The following FGGY variants were observed in gnomAD, a reference collection of about 807,000 sequenced individuals.
The protein encoded by FGGY is FGGY carbohydrate kinase domain containing.
FGGY carries 72 observed loss-of-function variants against 71.3 expected under a neutral mutation model. That is an observed-to-expected ratio of 1.01 (90% CI 0.84 to 1.23). The LOEUF is 1.23. Among genes scored for constraint, FGGY ranks in the 50% most tolerant of loss-of-function variants. The pLI is 0.00. For synonymous variants in FGGY, 251 were observed against 250.3 expected, an observed-to-expected ratio of 1.00 and a Z score of -0.02; for missense variants, 668 against 682.3, an observed-to-expected ratio of 0.98 and a Z score of 0.23.
chr1:59,614,761 G>C (rs2153827193), intron 9 of FGGY, among the ~76,000 whole-genome samples: 1 of 152,236 alleles, frequency 6.6e-6, no homozygotes, highest in East Asian at 1.9e-4. Flanking sequence ...CATCATCTCA[G>C]CCCAAAATCT....
In FGGY at chr1:59,674,035, G is replaced by T; in HGVS notation, c.1418-4G>T. The T allele has an allele frequency of 6.2e-7, 1 of 1,612,774 alleles. No homozygotes were observed. Among genetic ancestry groups the T allele is most frequent in the Non-Finnish European group, 8.5e-7 (1 of 1,179,330 alleles). On this transcript the variant is annotated splice_polypyrimidine_tract_variant and splice_region_variant and intron_variant, in intron 13 of 15. Transcript: ENST00000303721. ...TAACCAAGGTGTGGCCTTGTCCTGC[G>T]CAGGCATGCCTGTGGTCCTGTCGCA...
chr1:59,566,364 C>T (rs1184079322), intron 8 of FGGY, among the ~76,000 whole-genome samples: 2 of 152,072 alleles, frequency 1.3e-5, no homozygotes, highest in East Asian at 3.9e-4. Context: ...TTCTCCTATT[C>T]TGTTTGTGTG....
At chr1:59,665,215 A>G (rs541291786) in intron 12 of FGGY, among the ~76,000 whole-genome samples, 1 of 152,260 alleles carries the variant, frequency 6.6e-6, no homozygotes, top group East Asian at 1.9e-4. Context: ...GCATATTCTC[A>G]AGGGGGTTCA....
At chr1:59,693,687 C>T (rs945603723) in intron 14 of FGGY, among the ~76,000 whole-genome samples, 13 of 151,918 alleles carry the variant, frequency 8.6e-5, no homozygotes, top group African/African-American at 3.1e-4. Context: ...GGAGGAAGAG[C>T]AGTTGAAGTC....
intron 14 of FGGY, among the ~76,000 whole-genome samples, chr1:59,742,221 C>T (rs1165371710): frequency 6.6e-6 from 1 of 152,172 alleles, no homozygotes; most frequent in Non-Finnish European, 1.5e-5. Context: ...CACCACCACC[C>T]CTGCCTCCTT....
chr1:59,638,610 T>C (rs2096986583), intron 11 of FGGY, among the ~76,000 whole-genome samples: 1 of 152,270 alleles, frequency 6.6e-6, no homozygotes, highest in South Asian at 2.1e-4. Flanking sequence ...CAGCTACTGC[T>C]GCCTCTTTGT....
intron 6 of FGGY, among the ~76,000 whole-genome samples, chr1:59,489,136 A>T (rs1389031090): frequency 1.3e-5 from 2 of 152,130 alleles, no homozygotes; most frequent in Non-Finnish European, 2.9e-5. Flanking sequence ...TAGGGGGTAC[A>T]TAGTGATGTC....
intron 7 of FGGY, among the ~76,000 whole-genome samples, chr1:59,543,750 C>G (rs926180598): frequency 6.6e-6 from 1 of 152,126 alleles, no homozygotes; most frequent in Non-Finnish European, 1.5e-5. Context: ...TGTCCTGTCA[C>G]TTCCCATCTG....
chr1:59,578,180 A>G (rs185967013), intron 8 of FGGY, among the ~76,000 whole-genome samples: 2 of 152,256 alleles, frequency 1.3e-5, no homozygotes, highest in African/African-American at 2.4e-5. Context: ...CAAGGGAGCC[A>G]GCTGGGGATA....
At chr1:59,501,199 G>C (rs1293740475) in intron 6 of FGGY, among the ~76,000 whole-genome samples, 1 of 152,120 alleles carries the variant, frequency 6.6e-6, no homozygotes, top group Admixed American at 6.6e-5. Context: ...ACTGGTGTGT[G>C]ATGCAATAAA....
chr1:59,752,516 G>A (rs1013912203), intron 14 of FGGY, among the ~76,000 whole-genome samples: 2 of 152,208 alleles, frequency 1.3e-5, no homozygotes, highest in South Asian at 2.1e-4. Context: ...CAGGGTAGGG[G>A]AGAAGGTACT....
intron 7 of FGGY, among the ~76,000 whole-genome samples, chr1:59,540,105 G>A (rs184975486): frequency 6.6e-6 from 1 of 152,284 alleles, no homozygotes; most frequent in African/African-American, 2.4e-5. Flanking sequence ...AAATCAAACG[G>A]TTTGATAATG....
At chr1:59,617,343 A>G (rs1301086398) in intron 9 of FGGY, among the ~76,000 whole-genome samples, 2 of 152,162 alleles carry the variant, frequency 1.3e-5, no homozygotes, top group Non-Finnish European at 2.9e-5. Flanking sequence ...TCATTTTTAC[A>G]ATTAAATGCA....
At chr1:59,759,366 G>T (rs1426299968) in intron 15 of FGGY, among the ~76,000 whole-genome samples, 2 of 152,292 alleles carry the variant, frequency 1.3e-5, no homozygotes, top group Admixed American at 1.3e-4. Flanking sequence ...ATGCAGGAAG[G>T]TGGAGAGATC....
At chr1:59,364,046 G>A (rs1161215130) in intron 4 of FGGY, among the ~76,000 whole-genome samples, 3 of 152,154 alleles carry the variant, frequency 2.0e-5, no homozygotes, top group Admixed American at 1.3e-4. Context: ...TGTCCTTTAC[G>A]GGTTGGAGAT....
intron 14 of FGGY, among the ~76,000 whole-genome samples, chr1:59,715,069 A>G (rs1222474961): frequency 6.6e-6 from 1 of 152,160 alleles, no homozygotes; most frequent in Non-Finnish European, 1.5e-5. Context: ...TTGCCTTCTC[A>G]CATAACAGCT....
intron 5 of FGGY, 74 bp from the exon 6 acceptor site, chr1:59,456,887 C>A: frequency 4.3e-6 from 4 of 921,988 alleles, no homozygotes; most frequent in Non-Finnish European, 7.0e-6. Flanking sequence ...GATACCTGGA[C>A]GGGTATTTTG....
chr1:59,697,519 T>A (rs2097671742), intron 14 of FGGY: 2 of 451,064 alleles, frequency 4.4e-6, no homozygotes, highest in Non-Finnish European at 8.8e-6. Flanking sequence ...CTGTAGCACG[T>A]ATCAGAATTT....
intron 5 of FGGY, among the ~76,000 whole-genome samples, chr1:59,429,069 C>A (rs2066882375): frequency 6.6e-6 from 1 of 152,194 alleles, no homozygotes; most frequent in African/African-American, 2.4e-5. Flanking sequence ...TTTGACCACG[C>A]CCATGTGGCA....
Sources: allele counts gnomAD v4.1 joint callset (sites outside exome capture counted in the v4.1 genomes callset), GRCh38; gene constraint gnomAD v4.1.1; transcripts MANE v1.5; gene names NCBI Gene and HGNC (gene_info 2026-07-23, HGNC 2026-07-21).